EFCAB6: variants seen among roughly 807,000 people sequenced by gnomAD.
The protein encoded by EFCAB6 is EF-hand calcium binding domain 6, also known as EF-hand calcium-binding domain-containing protein 6.
In EFCAB6, 156 loss-of-function variants were observed where a neutral mutation model predicts 169.8. That is an observed-to-expected ratio of 0.92 (90% CI 0.81 to 1.05). The LOEUF (loss-of-function observed/expected upper bound fraction) is 1.05, where lower values mean the gene tolerates loss of function less well. Among genes scored for constraint, EFCAB6 ranks in the 50% least tolerant of loss-of-function variants. The pLI is 0.00. For missense variants in EFCAB6, 1,800 were observed against 1,829.1 expected (o/e 0.98, Z 0.29); for synonymous variants, 698 against 676.4 (o/e 1.03, Z -0.50).
At chr22:43,802,771 C>A in intron 2 of EFCAB6, 1 of 509,754 alleles carries the variant, frequency 2.0e-6, no homozygotes. Flanking sequence ...TTGGAGATGC[C>A]AAGTGAAGTG....
chr22:43,787,680 C>T (rs1190651129), intron 2 of EFCAB6, among the ~76,000 whole-genome samples: 2 of 152,002 alleles, frequency 1.3e-5, no homozygotes, highest in African/African-American at 4.8e-5. Context: ...AGCTTCAACC[C>T]AATGTTTATC....
intron 25 of EFCAB6, among the ~76,000 whole-genome samples, chr22:43,580,094 A>G (rs2050620094): frequency 6.6e-6 from 1 of 152,162 alleles, no homozygotes; most frequent in Non-Finnish European, 1.5e-5. Context: ...AACCTGGCTC[A>G]GTTCAACCTC....
intron 27 of EFCAB6, 51 bp downstream of exon 27, chr22:43,554,818 C>CT: frequency 6.6e-7 from 1 of 1,521,764 alleles, no homozygotes; most frequent in Non-Finnish European, 9.1e-7. Flanking sequence ...AGGGACCAGG[C>CT]TGACGCTCAG....
rs141650875 is a variant in EFCAB6, at chr22:43,563,109, C to T, written c.3421-8013G>A. On this transcript the variant is annotated intron_variant, in intron 26 of 31. Transcript: ENST00000262726. ...GGGTGCGCTCCTGAGCAGCAGGCAGCACCAGTAACCAAGCGCCGCCTGCCA... is the reference window on the plus strand; with the variant it reads ...GGGTGCGCTCCTGAGCAGCAGGCAGTACCAGTAACCAAGCGCCGCCTGCCA... 2.8e-3 allele frequency among the ~76,000 whole-genome samples: 426 copies of T among 152,176 alleles called. 2 individuals carry two copies. The highest frequency in any genetic ancestry group is 9.9e-3 in the African/African-American group (412 of 41,460).
chr22:43,583,648 C>T (rs531970867), intron 24 of EFCAB6, among the ~76,000 whole-genome samples: 31 of 152,138 alleles, frequency 2.0e-4, no homozygotes, highest in South Asian at 1.5e-3. Flanking sequence ...TCATGAAAAC[C>T]GAGCCCTCAT....
chr22:43,749,946 C>G (rs959848634), intron 6 of EFCAB6, among the ~76,000 whole-genome samples: 1 of 152,130 alleles, frequency 6.6e-6, no homozygotes, highest in Non-Finnish European at 1.5e-5. Context: ...GGGAAAGTCT[C>G]GAAAGAGGCA....
intron 26 of EFCAB6, among the ~76,000 whole-genome samples, chr22:43,575,454 C>T (rs1231386473): frequency 2.0e-5 from 3 of 151,130 alleles, no homozygotes; most frequent in South Asian, 2.1e-4. Flanking sequence ...GTGATCTGCC[C>T]ACCTCGGCCT....
intron 22 of EFCAB6, among the ~76,000 whole-genome samples, chr22:43,605,199 A>C (rs67759124): frequency 0.035 from 5,379 of 152,288 alleles, 108 homozygotes; most frequent in South Asian, 0.04. Flanking sequence ...CCTGCTTCTA[A>C]CCACACAAAC....
chr22:43,575,833 C>A (rs1198181690), intron 26 of EFCAB6, among the ~76,000 whole-genome samples: 1 of 152,136 alleles, frequency 6.6e-6, no homozygotes, highest in Admixed American at 6.6e-5. Context: ...ATAGTAACAG[C>A]TTGTATCTCA....
At chr22:43,690,344 A>C (rs1375039970) in intron 10 of EFCAB6, among the ~76,000 whole-genome samples, 41 of 23,298 alleles carry the variant, frequency 1.8e-3, no homozygotes, top group African/African-American at 0.012. Flanking sequence ...CTAAAAATAC[A>C]AAAAAAAAAA....
chr22:43,793,453 T>C (rs1327767754), intron 2 of EFCAB6, among the ~76,000 whole-genome samples: 1 of 152,220 alleles, frequency 6.6e-6, no homozygotes, highest in Non-Finnish European at 1.5e-5. Flanking sequence ...GCAACCATTC[T>C]CTCAACCATC....
rs1393126916 is a variant in EFCAB6 at position 43,669,064 on chromosome 22, T to C, written c.1641-19A>G. The C allele has an allele frequency of 4.4e-6, 7 of 1,588,420 alleles. No homozygotes were observed. The highest frequency in any genetic ancestry group is 4.5e-5 in the East Asian group (2 of 44,160). On this transcript the variant is annotated intron_variant, in intron 15 of 31. Transcript: ENST00000262726. ...GCAGAGTCTGAATTTTAAAAAATAA[T>C]TAAAACACACTCAGTAGAGTAATTA...
chr22:43,671,941 G>A (rs764467710), intron 15 of EFCAB6, 32 bp downstream of exon 15: 8 of 1,607,514 alleles, frequency 5.0e-6, no homozygotes, highest in Non-Finnish European at 5.9e-6. Context: ...TGAAAAACAC[G>A]ACATGAATTA....
intron 10 of EFCAB6, among the ~76,000 whole-genome samples, chr22:43,706,196 C>A (rs2058953286): frequency 6.6e-6 from 1 of 152,238 alleles, no homozygotes; most frequent in Admixed American, 6.5e-5. Context: ...TCCAGGAACA[C>A]TGGCTTCTGC....
intron 22 of EFCAB6, among the ~76,000 whole-genome samples, chr22:43,601,149 A>C (rs2052493903): frequency 6.6e-6 from 1 of 152,210 alleles, no homozygotes; most frequent in Non-Finnish European, 1.5e-5. Context: ...CCAATGAGAG[A>C]GGCCAGTGAG....
rs1171991057 is a variant in EFCAB6 at position 43,667,269 on chromosome 22, G to A, written c.1818C>T (p.Thr606=). The change falls in exon 17 of 32, where the codon ACC becomes ACT. Residue 606 remains threonine (T), a synonymous_variant. Coordinates refer to ENST00000262726, the MANE Select transcript of EFCAB6 (RefSeq NM_022785.4). ...EQQQPDLSER[T]KLTEDKTTLT... ...GGGTGGTTTTATCCTCCGTGAGCTT[G>A]GTTCTAAAATCACAAGCAGGCATTT... The A allele has an allele frequency of 1.2e-6, 2 of 1,612,842 alleles. No individual in the cohort carries two copies. The highest frequency in any genetic ancestry group is 1.7e-5 in the Admixed American group (1 of 59,822).
chr22:43,746,251 A>C (rs1191273592), intron 6 of EFCAB6, among the ~76,000 whole-genome samples: 1 of 152,234 alleles, frequency 6.6e-6, no homozygotes, highest in Non-Finnish European at 1.5e-5. Flanking sequence ...TTTACTGACC[A>C]TAGGCATACC....
chr22:43,757,049 G>C (rs546260387), intron 5 of EFCAB6, among the ~76,000 whole-genome samples: 1 of 152,278 alleles, frequency 6.6e-6, no homozygotes, highest in African/African-American at 2.4e-5. Flanking sequence ...GACTTCAAAG[G>C]GTAAGGGGAA....
chr22:43,656,161 C>CTCCCA (rs1437681882), intron 17 of EFCAB6, among the ~76,000 whole-genome samples: 3 of 151,896 alleles, frequency 2.0e-5, no homozygotes, highest in African/African-American at 4.8e-5. Flanking sequence ...GAGGCCAAGG[C>CTCCCA]GGGTGGATCA....
Sources: allele counts gnomAD v4.1 joint callset (sites outside exome capture counted in the v4.1 genomes callset), GRCh38; gene constraint gnomAD v4.1.1; transcripts MANE v1.5; gene names NCBI Gene and HGNC (gene_info 2026-07-23, HGNC 2026-07-21).